The following AFAP1L1 variants were observed in gnomAD, a reference collection of about 807,000 sequenced individuals.
The protein encoded by AFAP1L1 is actin filament-associated protein 1-like 1.
Under a neutral mutation model 99.8 loss-of-function variants are expected in AFAP1L1, and 77 were observed. That is an observed-to-expected ratio of 0.77 (90% confidence interval 0.64 to 0.93). The LOEUF is 0.93. AFAP1L1 is among the 40% of genes least tolerant of loss of function. The pLI, the probability that AFAP1L1 is intolerant of heterozygous loss-of-function variation, is 0.00. For synonymous variants in AFAP1L1, 373 were observed against 395.3 expected, an observed-to-expected ratio of 0.94 and a Z score of 0.67; for missense variants, 893 against 996.8, an observed-to-expected ratio of 0.90 and a Z score of 1.40.
chr5:149,285,960 G>A (rs918125671), intron 1 of AFAP1L1, among the ~76,000 whole-genome samples: 1 of 152,152 alleles, frequency 6.6e-6, no homozygotes, highest in Non-Finnish European at 1.5e-5. Context: ...TGAACACTGG[G>A]CAGATACTAA....
intron 8 of AFAP1L1, 143 bp from the exon 9 acceptor site, chr5:149,311,969 A>G: frequency 1.4e-6 from 1 of 701,844 alleles, no homozygotes; most frequent in Non-Finnish European, 2.5e-6. Context: ...CCCCACACAT[A>G]TGCAGGTAGC....
At position 149,306,350 on chromosome 5, in the gene AFAP1L1, G is replaced by A; in HGVS notation, c.481G>A (p.Asp161Asn). The A allele has an allele frequency of 6.2e-7, 1 of 1,613,670 alleles. No homozygotes were observed. Among genetic ancestry groups the A allele is most frequent in the Non-Finnish European group, 8.5e-7 (1 of 1,179,840 alleles). The change falls in exon 6 of 19, where the codon GAC (aspartate) becomes AAC (asparagine). Residue 161 changes from aspartate to asparagine, a missense_variant. Coordinates refer to ENST00000296721, the MANE Select transcript of AFAP1L1 (RefSeq NM_152406.4). ...SHSIVDGYYE[D>N]ADSSYPATRV... ...CTCGATTGTGGATGGCTACTATGAGGACGCAGACAGCAGCTACCCTGCAAC... is the reference window on the plus strand; with the variant it reads ...CTCGATTGTGGATGGCTACTATGAGAACGCAGACAGCAGCTACCCTGCAAC...
chr5:149,301,411 G>A (rs1381609334), intron 4 of AFAP1L1, among the ~76,000 whole-genome samples, 181 bp downstream of exon 4: 4 of 152,174 alleles, frequency 2.6e-5, no homozygotes, highest in Non-Finnish European at 4.4e-5. Flanking sequence ...TGATGTGCTC[G>A]CTGTGTGTTT....
In AFAP1L1 at chr5:149,306,289, T is replaced by C. The variant is rs2127595708; in HGVS notation, c.437-17T>C. The C allele has an allele frequency of 6.2e-7, 1 of 1,607,744 alleles. No individual in the cohort carries two copies. The highest frequency in any genetic ancestry group is 8.5e-7 in the Non-Finnish European group (1 of 1,176,548). ...CCTGCATTTCTCCAAAGTGCAGCTC[T>C]TTCTGACAACCCACAGATGGCTGCA... is the stretch of plus-strand genomic sequence containing the variant. On this transcript the variant is annotated splice_polypyrimidine_tract_variant and intron_variant, in intron 5 of 18. Transcript: ENST00000296721.
intron 17 of AFAP1L1, 99 bp from the exon 18 acceptor site, chr5:149,335,495 T>C: frequency 7.0e-7 from 1 of 1,430,024 alleles, no homozygotes; most frequent in Non-Finnish European, 9.4e-7. Context: ...AAAATAAAAA[T>C]AAAAATAATA....
rs536953618 is a variant in AFAP1L1, at chr5:149,283,022, G to A, written c.16+11038G>A. On this transcript the variant is annotated intron_variant, in intron 1 of 18. Coordinates refer to ENST00000296721, the MANE Select transcript of AFAP1L1 (RefSeq NM_152406.4). ...AGCCCATTCCATCCCTCTTACCACC[G>A]GGGCAGCACCTAAGGAAGCTATGCA... Among the ~76,000 whole-genome samples, 9 of 152,256 alleles carry A rather than the reference G, an allele frequency of 5.9e-5. No individual in the cohort carries two copies. The South Asian group carries it at 1.5e-3, about 25-fold the overall frequency.
intron 1 of AFAP1L1, among the ~76,000 whole-genome samples, chr5:149,293,370 C>CA (rs773882507): frequency 1.3e-5 from 2 of 152,190 alleles, no homozygotes; most frequent in Non-Finnish European, 2.9e-5. Context: ...TGCTTTTAGC[C>CA]ACTCTTCCAT....
At chr5:149,305,921 C>CACA (rs60605306) in intron 5 of AFAP1L1, among the ~76,000 whole-genome samples, 1 of 135,096 alleles carries the variant, frequency 7.4e-6, no homozygotes, top group African/African-American at 2.8e-5. Context: ...CACACACACA[C>CACA]CATGCACACA....
At chr5:149,319,112 T>C (rs575405125) in intron 12 of AFAP1L1, among the ~76,000 whole-genome samples, 9 of 152,340 alleles carry the variant, frequency 5.9e-5, no homozygotes, top group African/African-American at 1.7e-4. Flanking sequence ...CATAAGTCCG[T>C]GTTTAGCTGA....
At chr5:149,290,299 T>C (rs112771817) in intron 1 of AFAP1L1, among the ~76,000 whole-genome samples, 1,830 of 152,290 alleles carry the variant, frequency 0.012, 45 homozygotes, top group African/African-American at 0.041. Context: ...CTTATAGTAG[T>C]AATGGAAGAG....
In AFAP1L1 at chr5:149,279,569, G is replaced by A. The variant is rs546144684; in HGVS notation, c.16+7585G>A. On this transcript the variant is annotated intron_variant, in intron 1 of 18. Transcript: ENST00000296721. The stretch of plus-strand genomic sequence containing the variant: ...CTTAAGGATGGAATTTGGGGAGACC[G>A]CCTGATGCAATTAAGGACAGTTATT... Among the ~76,000 whole-genome samples the A allele has an allele frequency of 7.9e-5, 12 of 152,280 alleles. No homozygotes were observed. The South Asian group carries it at 1.0e-3, about 13-fold the overall frequency.
rs1464573730 is a variant in AFAP1L1 at position 149,319,582 on chromosome 5, G to A, written c.1480G>A (p.Ala494Thr). ...RNRQEVAILE[A>T]SCSEDMGRWL... ...TCCATCTTTGCCTCCTGTCCTTCAGGCAAGCTGTTCAGAGGACATGGGTCG... is the reference window on the plus strand; with the variant it reads ...TCCATCTTTGCCTCCTGTCCTTCAGACAAGCTGTTCAGAGGACATGGGTCG... Residue 494 changes from alanine (A) to threonine (T), a missense_variant and splice_region_variant, in exon 13 of 19, where the codon GCA (alanine) becomes ACA (threonine). Physicochemically the swap from Ala to Thr is moderately conservative, Grantham distance 58. Coordinates refer to ENST00000296721, the MANE Select transcript of AFAP1L1 (RefSeq NM_152406.4). 1.3e-6 allele frequency: 2 copies of A among 1,598,228 alleles called. No homozygotes were observed. The highest frequency in any genetic ancestry group is 2.2e-5 in the East Asian group (1 of 44,554).
intron 1 of AFAP1L1, among the ~76,000 whole-genome samples, chr5:149,283,097 C>T (rs1755570284): frequency 6.6e-6 from 1 of 152,208 alleles, no homozygotes; most frequent in Non-Finnish European, 1.5e-5. Flanking sequence ...TTACCTAATC[C>T]TATCTCATTG....
intron 15 of AFAP1L1, among the ~76,000 whole-genome samples, chr5:149,323,167 G>C (rs1757003404): frequency 6.6e-6 from 1 of 152,156 alleles, no homozygotes; most frequent in African/African-American, 2.4e-5. Context: ...AATAGAGAGA[G>C]AGAGATTGAT....
chr5:149,274,699 T>C (rs1305360221), intron 1 of AFAP1L1, among the ~76,000 whole-genome samples: 1 of 152,038 alleles, frequency 6.6e-6, no homozygotes, highest in African/African-American at 2.4e-5. Context: ...CCCAACATGG[T>C]GAAACCACAT....
chr5:149,316,636 C>T (rs1756807314), intron 11 of AFAP1L1, among the ~76,000 whole-genome samples: 1 of 152,164 alleles, frequency 6.6e-6, no homozygotes, highest in African/African-American at 2.4e-5. Context: ...TATTTTCCAG[C>T]ATAGAACGTG....
At chr5:149,323,050 A>T (rs1196379402) in intron 15 of AFAP1L1, among the ~76,000 whole-genome samples, 1 of 152,180 alleles carries the variant, frequency 6.6e-6, no homozygotes, top group Non-Finnish European at 1.5e-5. Flanking sequence ...CTAACACCAG[A>T]TTTGCCAATT....
chr5:149,330,198 TATATGTGAGAC>T (rs1298114740), intron 16 of AFAP1L1, among the ~76,000 whole-genome samples: 8 of 152,212 alleles, frequency 5.3e-5, no homozygotes, highest in Non-Finnish European at 1.2e-4. Flanking sequence ...CATTCACAGA[TATATGTGAGAC>T]ATTGGTCCTA....
chr5:149,298,765 G>A (rs180737136), intron 1 of AFAP1L1, among the ~76,000 whole-genome samples: 494 of 152,322 alleles, frequency 3.2e-3, no homozygotes, highest in African/African-American at 0.011. Context: ...AAAGGACTCT[G>A]TGCTCTAGGA....
Sources: gnomAD v4.1 joint callset for allele counts (sites outside exome capture counted in the v4.1 genomes callset) on GRCh38, gnomAD v4.1.1 for gene constraint, MANE v1.5 for transcripts, NCBI Gene and HGNC (gene_info 2026-07-23, HGNC 2026-07-21) for gene names.